The following DENND4B variants were observed in gnomAD, a reference collection of about 807,000 sequenced individuals.
The protein encoded by DENND4B is DENN domain containing 4B.
Under a neutral mutation model 161.0 loss-of-function variants are expected in DENND4B, and 67 were observed. The ratio of observed to expected loss-of-function variants is 0.42; its 90% confidence interval spans 0.34 to 0.51. The LOEUF (loss-of-function observed/expected upper bound fraction) is 0.51, where lower values mean the gene tolerates loss of function less well. DENND4B is among the 20% of genes least tolerant of loss of function. The pLI, the probability that DENND4B is intolerant of heterozygous loss-of-function variation, is 0.08. For missense variants in DENND4B, 1,481 were observed against 1,968.0 expected, an observed-to-expected ratio of 0.75 and a Z score of 4.68; for synonymous variants, 753 against 813.8, an observed-to-expected ratio of 0.93 and a Z score of 1.27.
Position 153,937,391 on chromosome 1 carries a change from G to A in DENND4B, c.2232+97C>T. ...AACTCCTAACAACCTCATGGGTTAA[G>A]TATTATTGTTATACCCATTTTGTAG... On this transcript the variant is annotated intron_variant, in intron 15 of 27. Coordinates refer to ENST00000361217, the MANE Select transcript of DENND4B (RefSeq NM_014856.3). This position sits in a 1 kb window ranked among gnomAD's most constrained non-coding sequence, Gnocchi z 4.7. The A allele has an allele frequency of 2.1e-6, 3 of 1,434,344 alleles. No individual in the cohort carries two copies. The highest frequency in any genetic ancestry group is 2.8e-6 in the Non-Finnish European group (3 of 1,088,832). 88.9% of individuals were successfully genotyped at this position (1,434,344 alleles called of 1,614,324 possible).
intron 13 of DENND4B, among the ~76,000 whole-genome samples, chr1:153,938,336 G>A (rs1216118750): frequency 1.3e-5 from 2 of 151,840 alleles, no homozygotes; most frequent in Non-Finnish European, 2.9e-5. Flanking sequence ...TTGAACCTGG[G>A]AGGTGGAGGT....
In DENND4B at chr1:153,936,805, T is replaced by C. The variant is rs920769324; in HGVS notation, c.2233-57A>G. 9 of 1,401,364 alleles carry C rather than the reference T, an allele frequency of 6.4e-6. No individual in the cohort carries two copies. In the African/African-American group the frequency reaches 8.7e-5, roughly 14 times the overall value. 86.8% of individuals were successfully genotyped at this position (1,401,364 alleles called of 1,614,324 possible). On this transcript the variant is annotated intron_variant, in intron 15 of 27. Transcript: ENST00000361217. The surrounding 1 kb of genome is among the most constrained non-coding windows in gnomAD (Gnocchi z 4.1). ...TACAATGCCAGGTCTTTCTTACTTA[T>C]CTATTTATTTATTTATTTATGACGG...
chr1:153,929,864 C>T lies in DENND4B; in HGVS notation c.*433G>A, dbSNP rs1184487164. 2.5e-5 allele frequency: 4 copies of T among 160,736 alleles called. No homozygotes were observed. Among genetic ancestry groups the T allele is most frequent in the Non-Finnish European group, 5.4e-5 (4 of 73,692 alleles). 10.0% of individuals were successfully genotyped at this position (160,736 alleles called of 1,614,324 possible). A position where few individuals can be genotyped will look rare whatever the true frequency, so the allele number is the denominator to read the frequency against. On this transcript the variant is annotated 3_prime_UTR_variant, in exon 28 of 28. Coordinates refer to ENST00000361217, the MANE Select transcript of DENND4B (RefSeq NM_014856.3). ...GGAGAGCCTTGGGCTCCTTCAGCAA[C>T]GTCAGGGAAGAGGGACCATTATTGG...
chr1:153,934,706 C>T lies in DENND4B; in HGVS notation c.2773+54G>A, dbSNP rs1679216629. On this transcript the variant is annotated intron_variant, in intron 18 of 27. Coordinates refer to ENST00000361217, the MANE Select transcript of DENND4B (RefSeq NM_014856.3). The surrounding 1 kb of genome is among the most constrained non-coding windows in gnomAD (Gnocchi z 5.3). ...CAGCCCCAACTCTCTATGCCTTTCCCTGCCTGAGCCCAGCTACTCCATCCC... is the reference window on the plus strand; with the variant it reads ...CAGCCCCAACTCTCTATGCCTTTCCTTGCCTGAGCCCAGCTACTCCATCCC... The T allele has an allele frequency of 6.4e-7, 1 of 1,561,522 alleles. No individual in the cohort carries two copies. The highest frequency in any genetic ancestry group is 8.7e-7 in the Non-Finnish European group (1 of 1,155,268).
rs1354839439 is a variant in DENND4B at position 153,946,400 on chromosome 1, G to A, written c.-123C>T. 3.6e-5 allele frequency: 14 copies of A among 384,234 alleles called. No homozygotes were observed. The highest frequency in any genetic ancestry group is 6.0e-5 in the Non-Finnish European group (13 of 216,750). The allele number at this position is 384,234 out of a possible 1,614,324, so 23.8% of individuals were successfully genotyped here. Reference sequence around the variant, plus strand: ...GGGGCTACCCGGCCCCAGACATGGCGCACCCGACTTGGGCGCCGCTCCCGC... The same window carrying A: ...GGGGCTACCCGGCCCCAGACATGGCACACCCGACTTGGGCGCCGCTCCCGC... On this transcript the variant is annotated 5_prime_UTR_variant, in exon 1 of 28. Transcript: ENST00000361217. The surrounding 1 kb of genome is among the most constrained non-coding windows in gnomAD (Gnocchi z 6.3).
chr1:153,946,350 G>A lies in DENND4B; in HGVS notation c.-73C>T. ...GGCCCGCTGGCGGGTGGCTCGGAGG[G>A]CGAGCTGGCGGGCCGGCGGGCGGCG... On this transcript the variant is annotated 5_prime_UTR_variant, in exon 1 of 28. Transcript: ENST00000361217. This position sits in a 1 kb window ranked among gnomAD's most constrained non-coding sequence, Gnocchi z 6.3. 1 of 373,626 alleles carries A rather than the reference G, an allele frequency of 2.7e-6. No individual in the cohort carries two copies. The highest frequency in any genetic ancestry group is 4.8e-6 in the Non-Finnish European group (1 of 209,808). 23.1% of individuals were successfully genotyped at this position (373,626 alleles called of 1,614,324 possible). A position where few individuals can be genotyped will look rare whatever the true frequency, so the allele number is the denominator to read the frequency against.
rs539112209 is a variant in DENND4B at position 153,940,291 on chromosome 1, G to A, written c.1503-35C>T. 2.2e-4 allele frequency: 346 copies of A among 1,572,960 alleles called. 1 individual carries two copies. In the East Asian group the frequency reaches 3.3e-3, roughly 15 times the overall value. ...AAGCATAAGGGGAAAGAGTGGCGAG[G>A]CTCTGGGATAGGGTGACGGGGTTCC... On this transcript the variant is annotated intron_variant, in intron 10 of 27. Coordinates refer to ENST00000361217, the MANE Select transcript of DENND4B (RefSeq NM_014856.3). This position sits in a 1 kb window ranked among gnomAD's most constrained non-coding sequence, Gnocchi z 5.6.
Position 153,934,859 on chromosome 1 carries a change from T to C in DENND4B, c.2674A>G (p.Arg892Gly), listed in dbSNP as rs1453372563. 3.1e-6 allele frequency: 5 copies of C among 1,613,368 alleles called. No individual in the cohort carries two copies. The highest frequency in any genetic ancestry group is 4.2e-6 in the Non-Finnish European group (5 of 1,179,858). Residue 892 changes from arginine (R) to glycine (G), a missense_variant, in exon 18 of 28, where the codon AGA becomes GGA. Coordinates refer to ENST00000361217, the MANE Select transcript of DENND4B (RefSeq NM_014856.3). The surrounding 1 kb of genome is among the most constrained non-coding windows in gnomAD (Gnocchi z 5.3). The stretch of plus-strand genomic sequence containing the variant: ...TGCTGCTGCTGCTGTTGCCGTTCTC[T>C]CAAGGGCTGGCGGAACTGAGCAGCC... Reference protein sequence around the residue: ...LGAAQFRQPLRERQQQQQQQQ... With the variant: ...LGAAQFRQPLGERQQQQQQQQ...
chr1:153,941,205 C>A (rs1185175982), intron 8 of DENND4B, 26 bp downstream of exon 8: 1 of 1,612,832 alleles, frequency 6.2e-7, no homozygotes, highest in Non-Finnish European at 8.5e-7. Context: ...CATTAAAGCT[C>A]CCCTCCCCAC....
chr1:153,930,431 T>TG lies in DENND4B; in HGVS notation c.4356_4357insC (p.Lys1453GlnfsTer8). On this transcript the variant is annotated frameshift_variant, in exon 28 of 28. Transcript: ENST00000361217. LOFTEE classifies it high-confidence loss of function. The surrounding 1 kb of genome is among the most constrained non-coding windows in gnomAD (Gnocchi z 4.7). ...TTGTTAAAGGCAGACTTGTACTTCT[T>TG]ATCGAAGGCCACTAGGGAAGAAGGT... 6.2e-7 allele frequency: 1 copy of TG among 1,613,940 alleles called. No individual in the cohort carries two copies. The highest frequency in any genetic ancestry group is 8.5e-7 in the Non-Finnish European group (1 of 1,179,842).
In DENND4B at chr1:153,941,372, A is replaced by G. The variant is rs770421612; in HGVS notation, c.1122+2T>C. The G allele has an allele frequency of 6.2e-7, 1 of 1,613,416 alleles. No individual in the cohort carries two copies. The highest frequency in any genetic ancestry group is 1.1e-5 in the South Asian group (1 of 90,986). On this transcript the variant is annotated splice_donor_variant, in intron 7 of 27. Coordinates refer to ENST00000361217, the MANE Select transcript of DENND4B (RefSeq NM_014856.3). LOFTEE classifies it high-confidence loss of function. ...CAGCCCGGCCCCAGCCTCAGCTCTC[A>G]CCTGCACTAGGATGCGGGGTCTCTG...
In DENND4B at chr1:153,946,148, T is replaced by G. The variant is rs965208318; in HGVS notation, c.-24+153A>C. 6.6e-6 allele frequency among the ~76,000 whole-genome samples: 1 copy of G among 151,968 alleles called. No homozygotes were observed. Among genetic ancestry groups the G allele is most frequent in the Non-Finnish European group, 1.5e-5 (1 of 67,966 alleles). On this transcript the variant is annotated intron_variant, in intron 1 of 27. Transcript: ENST00000361217. The surrounding 1 kb of genome is among the most constrained non-coding windows in gnomAD (Gnocchi z 6.3). ...GGCGAGCTAATTGCGGGAGGTGCCC[T>G]CCCCTCCACTTTCACTTCCCCAGGA...
At chr1:153,939,092 T>C (rs371834706) in intron 12 of DENND4B, 47 bp from the exon 13 acceptor site, 1 of 1,596,334 alleles carries the variant, frequency 6.3e-7, no homozygotes, top group African/African-American at 1.3e-5. Context: ...ACCAGGGCTC[T>C]CCACCACAGC....
chr1:153,939,726 C>T lies in DENND4B; in HGVS notation c.1682G>A (p.Arg561Gln), dbSNP rs953806868. ...GGCTCCTTGGACTTCGCGCTCCAGC[C>T]GGGCCCTGCGGCCACACACTGCCTC... ...DYEAVCGRRA[R>Q]LEREVQGAFL... The change falls in exon 12 of 28, where the codon CGG (arginine) becomes CAG (glutamine). Residue 561 changes from arginine to glutamine, a missense_variant. This residue lies in a region of DENND4B where 806 missense variants were observed against 1,134.4 expected (regional missense o/e 0.71). Transcript: ENST00000361217. 8.7e-6 allele frequency: 14 copies of T among 1,613,828 alleles called. No homozygotes were observed. Among genetic ancestry groups the T allele is most frequent in the Non-Finnish European group, 1.1e-5 (13 of 1,179,888 alleles).
Position 153,940,341 on chromosome 1 carries a change from CT to C in DENND4B, c.1503-86del. The C allele has an allele frequency of 6.4e-7, 1 of 1,565,394 alleles. No homozygotes were observed. Among genetic ancestry groups the C allele is most frequent in the Non-Finnish European group, 8.7e-7 (1 of 1,152,360 alleles). ...CTTGCCAGCCTCCCTCACTTTGTGCCTGAAGCTCTTTTTGAGCCCGTAGCAC... is the reference window on the plus strand; with the variant it reads ...CTTGCCAGCCTCCCTCACTTTGTGCCGAAGCTCTTTTTGAGCCCGTAGCAC... On this transcript the variant is annotated intron_variant, in intron 10 of 27. Transcript: ENST00000361217. This position sits in a 1 kb window ranked among gnomAD's most constrained non-coding sequence, Gnocchi z 5.6.
In DENND4B at chr1:153,942,330, C is replaced by T; in HGVS notation, c.667G>A (p.Asp223Asn). 6.2e-7 allele frequency: 1 copy of T among 1,613,166 alleles called. No homozygotes were observed. Among genetic ancestry groups the T allele is most frequent in the African/African-American group, 1.3e-5 (1 of 75,022 alleles). Residue 223 changes from aspartate to asparagine, a missense_variant, in exon 5 of 28, where the codon GAC becomes AAC. Physicochemically the swap from Asp to Asn is conservative, Grantham distance 23. This residue lies in a region of DENND4B where 806 missense variants were observed against 1,134.4 expected (regional missense o/e 0.71). Transcript: ENST00000361217. This position sits in a 1 kb window ranked among gnomAD's most constrained non-coding sequence, Gnocchi z 6.9. ...AELLGRYPEE[D>N]NEAFPLPESV... ...TCGGGCAGCGGGAACGCCTCATTGT[C>T]CTCCTCCGGGTAGCGGCCCAGCAGC...
Position 153,941,126 on chromosome 1 carries a change from C to T in DENND4B, c.1182-78G>A. On this transcript the variant is annotated intron_variant, in intron 8 of 27. Transcript: ENST00000361217. ...TTCCCCAGATGCCAGGCACAGCCAC[C>T]ACCTGGACCCAGCCTGCATAAACCT... 11 of 1,567,488 alleles carry T rather than the reference C, an allele frequency of 7.0e-6. No homozygotes were observed. The South Asian group carries it at 1.3e-4, about 18-fold the overall frequency.
chr1:153,942,139 G>C lies in DENND4B; in HGVS notation c.811-26C>G. Reference sequence around the variant, plus strand: ...CTGGCAGGGGGCAGAAGGGTAGTCAGGCAGGCCCTGCATAGCCTGGACCCC... The same window carrying C: ...CTGGCAGGGGGCAGAAGGGTAGTCACGCAGGCCCTGCATAGCCTGGACCCC... On this transcript the variant is annotated intron_variant, in intron 5 of 27. Transcript: ENST00000361217. The surrounding 1 kb of genome is among the most constrained non-coding windows in gnomAD (Gnocchi z 6.9). 6.2e-7 allele frequency: 1 copy of C among 1,613,866 alleles called. No homozygotes were observed. The highest frequency in any genetic ancestry group is 8.5e-7 in the Non-Finnish European group (1 of 1,179,846).
chr1:153,933,051 G>A lies in DENND4B; in HGVS notation c.3454-21C>T. Reference sequence around the variant, plus strand: ...AGAATCTGTGGGCAGGGAGAGTCGGGAAGTAGGTGCTGTCTGGCCGCCAGC... The same window carrying A: ...AGAATCTGTGGGCAGGGAGAGTCGGAAAGTAGGTGCTGTCTGGCCGCCAGC... On this transcript the variant is annotated intron_variant, in intron 21 of 27. Coordinates refer to ENST00000361217, the MANE Select transcript of DENND4B (RefSeq NM_014856.3). The surrounding 1 kb of genome is among the most constrained non-coding windows in gnomAD (Gnocchi z 5.7). 6.2e-7 allele frequency: 1 copy of A among 1,611,798 alleles called. No homozygotes were observed. The highest frequency in any genetic ancestry group is 8.5e-7 in the Non-Finnish European group (1 of 1,178,400).
Sources: allele counts gnomAD v4.1 joint callset (sites outside exome capture counted in the v4.1 genomes callset), GRCh38; gene constraint gnomAD v4.1.1; regional missense constraint gnomAD v4.1.1; non-coding constraint Gnocchi (gnomAD v3.1); transcripts MANE v1.5; gene names NCBI Gene and HGNC (gene_info 2026-07-23, HGNC 2026-07-21).